FCGR3A: variants seen among roughly 807,000 people sequenced by gnomAD.
The protein encoded by FCGR3A is Fc gamma receptor IIIa.
A neutral mutation model predicts 24.1 loss-of-function variants in FCGR3A; 13 were observed. That is an observed-to-expected ratio of 0.54 (90% CI 0.35 to 0.86). The LOEUF is 0.86. Ranked by LOEUF, FCGR3A falls within the 40% of genes least tolerant of loss-of-function variation. FCGR3A has a pLI of 0.01. For synonymous variants in FCGR3A, 93 were observed against 112.2 expected (o/e 0.83, Z 1.08); for missense variants, 235 against 298.0 (o/e 0.79, Z 1.56).
intron 4 of FCGR3A, among the ~76,000 whole-genome samples, 175 bp from the exon 5 acceptor site, chr1:161,543,374 T>A (rs571026912): frequency 2.6e-5 from 4 of 152,216 alleles, no homozygotes; most frequent in South Asian, 2.1e-4. Context: ...CTGATCTTAG[T>A]GCTATCTGAG....
At chr1:161,543,718 AG>A (rs1557852741) in intron 4 of FCGR3A, among the ~76,000 whole-genome samples, 2 of 152,210 alleles carry the variant, frequency 1.3e-5, no homozygotes, top group African/African-American at 4.8e-5. Context: ...ATTTACTTTC[AG>A]TTTAAAGTGT....
At position 161,544,832 on chromosome 1, in the gene FCGR3A, T is replaced by C; in HGVS notation, c.446A>G (p.Lys149Arg). Residue 149 changes from lysine (K) to arginine (R), a missense_variant, in exon 4 of 5, where the codon AAG becomes AGG. Physicochemically the swap from Lys to Arg is conservative, Grantham distance 26. Coordinates refer to ENST00000443193, the MANE Select transcript of FCGR3A (RefSeq NM_000569.8). ...GAAGTCAGAATTATGATGAAAATACTTCCTGCCTTTGCCATTCTGTAAATA... is the reference window on the plus strand; with the variant it reads ...GAAGTCAGAATTATGATGAAAATACCTCCTGCCTTTGCCATTCTGTAAATA... ...VTYLQNGKGR[K>R]YFHHNSDFYI... The C allele has an allele frequency of 6.2e-7, 1 of 1,613,934 alleles. No individual in the cohort carries two copies. Among genetic ancestry groups the C allele is most frequent in the Non-Finnish European group, 8.5e-7 (1 of 1,179,936 alleles).
chr1:161,546,448 T>C (rs1427728639), intron 3 of FCGR3A, among the ~76,000 whole-genome samples: 1 of 152,032 alleles, frequency 6.6e-6, no homozygotes, highest in East Asian at 1.9e-4. Context: ...GATACCCAGA[T>C]GATGGGACAT....
At chr1:161,549,841 C>T, upstream of FCGR3A, 2 of 1,612,936 alleles carry the variant, frequency 1.2e-6, no homozygotes, top group Non-Finnish European at 1.7e-6. Context: ...GCCCCTCCAC[C>T]CATCTCTGTC....
chr1:161,543,451 G>A (rs556540402), intron 4 of FCGR3A, among the ~76,000 whole-genome samples: 4 of 152,258 alleles, frequency 2.6e-5, no homozygotes, highest in South Asian at 2.1e-4. Context: ...GACAGGGAGC[G>A]TTAACAAGTT....
intron 3 of FCGR3A, among the ~76,000 whole-genome samples, chr1:161,546,117 A>T (rs921647903): frequency 6.6e-6 from 1 of 152,122 alleles, no homozygotes; most frequent in African/African-American, 2.4e-5. Flanking sequence ...CTACTACCTG[A>T]TGCTAAACAA....
Position 161,543,029 on chromosome 1 carries a change from C to T in FCGR3A, c.748G>A (p.Asp250Asn), listed in dbSNP as rs1418805644. ...WKDHKFKWRK[D>N]PQDK ...GATGGGGGTCATTTGTCTTGAGGGT[C>T]CTTTCTCCATTTAAATTTATGGTCC... Residue 250 changes from aspartate (D) to asparagine (N), a missense_variant, in exon 5 of 5, where the codon GAC becomes AAC. By Grantham distance (23) the Asp-to-Asn change is conservative (BLOSUM62 1). Coordinates refer to ENST00000443193, the MANE Select transcript of FCGR3A (RefSeq NM_000569.8). 8 of 1,612,122 alleles carry T rather than the reference C, an allele frequency of 5.0e-6. No individual in the cohort carries two copies. Among genetic ancestry groups the T allele is most frequent in the South Asian group, 1.1e-5 (1 of 90,848 alleles).
chr1:161,545,834 A>G (rs1233987013), intron 3 of FCGR3A: 1 of 152,076 alleles, frequency 6.6e-6, no homozygotes, highest in Non-Finnish European at 1.5e-5. Context: ...ATAAGAAAAT[A>G]TTCATGAGAC....
chr1:161,544,933 C>T lies in FCGR3A; in HGVS notation c.345G>A (p.Arg115=). 9 of 1,611,538 alleles carry T rather than the reference C, an allele frequency of 5.6e-6. 1 individual carries two copies. The Middle Eastern group carries it at 6.6e-4, about 118-fold the overall frequency. The change falls in exon 4 of 5, where the codon CGG becomes CGA. Residue 115 remains arginine, a synonymous_variant. Coordinates refer to ENST00000443193, the MANE Select transcript of FCGR3A (RefSeq NM_000569.8). ...TAGGGTCTTCCTCCTTGAACACCCA[C>T]CGAGGGGCCTGGAGCAACAGCCAGC... ...HIGWLLLQAP[R]WVFKEEDPIH... is the part of the protein sequence containing the mutation.
chr1:161,544,660 C>A, intron 4 of FCGR3A, 41 bp downstream of exon 4: 1 of 1,600,548 alleles, frequency 6.2e-7, no homozygotes, highest in Non-Finnish European at 8.5e-7. Context: ...AGGTTCCACA[C>A]ACAGGCGTCC....
Position 161,542,802 on chromosome 1 carries a change from C to G in FCGR3A, c.*210G>C. 2.2e-6 allele frequency: 1 copy of G among 458,454 alleles called. No individual in the cohort carries two copies. The highest frequency in any genetic ancestry group is 3.9e-6 in the Non-Finnish European group (1 of 255,204). The allele number at this position is 458,454 out of a possible 1,614,324, so 28.4% of individuals were successfully genotyped here. On this transcript the variant is annotated 3_prime_UTR_variant, in exon 5 of 5. Coordinates refer to ENST00000443193, the MANE Select transcript of FCGR3A (RefSeq NM_000569.8). Reference sequence around the variant, plus strand: ...GAAACTTCAATTTCTAGGAATGCAGCTACTCACTGGGGCTTCCCTGCTTGA... The same window carrying G: ...GAAACTTCAATTTCTAGGAATGCAGGTACTCACTGGGGCTTCCCTGCTTGA...
upstream of FCGR3A, chr1:161,550,403 A>G (rs193164485): frequency 5.3e-3 from 1,041 of 195,542 alleles, 2 homozygotes; most frequent in African/African-American, 0.023. Context: ...TGATCATTAG[A>G]TTTCCAGGTT....
intron 4 of FCGR3A, 121 bp from the exon 5 acceptor site, chr1:161,543,320 G>A (rs1354400608): frequency 8.4e-7 from 1 of 1,183,806 alleles, no homozygotes; most frequent in East Asian, 2.4e-5. Context: ...TGGTAGGAAT[G>A]GTGGGGAAGT....
upstream of FCGR3A, chr1:161,550,017 A>C: frequency 1.4e-6 from 1 of 704,802 alleles, no homozygotes; most frequent in Non-Finnish European, 2.4e-6. Flanking sequence ...ATCTGAGGAC[A>C]CACACAGAAT....
chr1:161,548,715 G>A (rs1304360633), intron 2 of FCGR3A, 37 bp from the exon 3 acceptor site: 7 of 1,613,604 alleles, frequency 4.3e-6, no homozygotes, highest in Non-Finnish European at 5.9e-6. Flanking sequence ...AGGACAGGGA[G>A]AGGAGCAGGC....
At position 161,549,658 on chromosome 1, in the gene FCGR3A, T is replaced by C. The variant is rs1258708095; in HGVS notation, c.40+39A>G. ...AGGGGTCTCTGCTGAACCCAAGGCATCTCAAACTTCTCCCTCAACCAGGGA... is the reference window on the plus strand; with the variant it reads ...AGGGGTCTCTGCTGAACCCAAGGCACCTCAAACTTCTCCCTCAACCAGGGA... On this transcript the variant is annotated intron_variant, in intron 1 of 4. Transcript: ENST00000443193. The C allele has an allele frequency of 1.9e-6, 3 of 1,611,826 alleles. No homozygotes were observed. The East Asian group carries it at 6.7e-5, about 36-fold the overall frequency.
At chr1:161,546,341 A>G (rs1452838460) in intron 3 of FCGR3A, among the ~76,000 whole-genome samples, 3 of 152,056 alleles carry the variant, frequency 2.0e-5, no homozygotes, top group Non-Finnish European at 4.4e-5. Context: ...TCTTGTTCGA[A>G]TCTATCCTGT....
chr1:161,546,250 T>G (rs1227042334), intron 3 of FCGR3A, among the ~76,000 whole-genome samples: 1 of 152,116 alleles, frequency 6.6e-6, no homozygotes, highest in African/African-American at 2.4e-5. Flanking sequence ...ATCTATCCAC[T>G]TACTTTTTCA....
rs138533290 is a variant in FCGR3A, at chr1:161,542,589, T to G, written c.*423A>C. 6.6e-3 allele frequency: 1,043 copies of G among 158,786 alleles called. 15 individuals are homozygous for G. Among genetic ancestry groups the G allele is most frequent in the African/African-American group, 0.023 (966 of 41,572 alleles). The allele number at this position is 158,786 out of a possible 1,614,324, so 9.8% of individuals were successfully genotyped here. A position where few individuals can be genotyped will look rare whatever the true frequency, so the allele number is the denominator to read the frequency against. On this transcript the variant is annotated 3_prime_UTR_variant, in exon 5 of 5. Coordinates refer to ENST00000443193, the MANE Select transcript of FCGR3A (RefSeq NM_000569.8). ...TCCCCAGCAGTTCCCACACTCTGTA[T>G]GGTCCTGCCTCAACCATTAATTCTA...
Sources: gnomAD v4.1 joint callset for allele counts (sites outside exome capture counted in the v4.1 genomes callset) on GRCh38, gnomAD v4.1.1 for gene constraint, MANE v1.5 for transcripts, NCBI Gene and HGNC (gene_info 2026-07-23, HGNC 2026-07-21) for gene names.